The following IPMK variants were observed in gnomAD, a reference collection of about 807,000 sequenced individuals.
IPMK encodes inositol polyphosphate multikinase.
Under a neutral mutation model 45.8 loss-of-function variants are expected in IPMK, and 17 were observed. The observed-to-expected ratio is 0.37, with a 90% CI of 0.25 to 0.56. The LOEUF (loss-of-function observed/expected upper bound fraction) is 0.56, where lower values mean the gene tolerates loss of function less well. Ranked by LOEUF, IPMK falls within the 20% of genes least tolerant of loss-of-function variation. The pLI is 0.79. For synonymous variants in IPMK, 180 were observed against 184.3 expected (o/e 0.98, Z 0.19); for missense variants, 399 against 498.0 (o/e 0.80, Z 1.89).
intron 4 of IPMK, among the ~76,000 whole-genome samples, chr10:58,211,919 A>AAAAAAAAAAAAAAAAAAAAAAAT (rs967150743): frequency 6.7e-6 from 1 of 148,186 alleles, no homozygotes; most frequent in African/African-American, 2.6e-5. Flanking sequence ...AAAAAAAAAA[A>AAAAAAAAAAAAAAAAAAAAAAAT]AAAAAATTTG....
At chr10:58,221,787 C>T (rs545193481) in intron 3 of IPMK, among the ~76,000 whole-genome samples, 5 of 152,020 alleles carry the variant, frequency 3.3e-5, no homozygotes, top group African/African-American at 7.2e-5. Context: ...CTCTCTCTGT[C>T]GCCCAGGCTG....
intron 4 of IPMK, among the ~76,000 whole-genome samples, chr10:58,202,678 T>C (rs1346515895): frequency 2.0e-5 from 3 of 152,092 alleles, no homozygotes; most frequent in East Asian, 3.9e-4. Context: ...AACAAAAAAA[T>C]GTGCTGAATC....
chr10:58,221,995 C>G (rs892516377), intron 3 of IPMK, among the ~76,000 whole-genome samples: 2 of 152,066 alleles, frequency 1.3e-5, no homozygotes, highest in Non-Finnish European at 2.9e-5. Flanking sequence ...GTGATCCACC[C>G]GCCTCAGCCT....
intron 3 of IPMK, among the ~76,000 whole-genome samples, chr10:58,216,986 G>A (rs547261566): frequency 7.9e-4 from 120 of 152,158 alleles, no homozygotes; most frequent in African/African-American, 2.6e-3. Context: ...AAATAACTGG[G>A]ATGACAGGCG....
intron 1 of IPMK, among the ~76,000 whole-genome samples, chr10:58,257,362 G>A (rs1263107576): frequency 6.6e-6 from 1 of 152,076 alleles, no homozygotes; most frequent in Non-Finnish European, 1.5e-5. Context: ...GGGCATGGTG[G>A]CATGTGCCTG....
intron 1 of IPMK, among the ~76,000 whole-genome samples, chr10:58,257,449 T>C (rs1838988179): frequency 6.6e-6 from 1 of 152,072 alleles, no homozygotes; most frequent in Non-Finnish European, 1.5e-5. Flanking sequence ...GAGCTGAGAT[T>C]ATGCCACTGC....
chr10:58,243,966 G>A (rs2590327), intron 1 of IPMK, among the ~76,000 whole-genome samples: 49,860 of 94,098 alleles, frequency 0.53, 10,443 homozygotes, highest in African/African-American at 0.69. Context: ...TGTGAGGAGT[G>A]CCTCTGCCTG....
chr10:58,236,191 A>G (rs1345512907), intron 2 of IPMK, among the ~76,000 whole-genome samples: 2 of 151,968 alleles, frequency 1.3e-5, no homozygotes, highest in Admixed American at 6.6e-5. Flanking sequence ...TTGGCCTCCC[A>G]AAGTACTGAG....
At chr10:58,231,536 GA>G (rs1359613558) in intron 2 of IPMK, among the ~76,000 whole-genome samples, 1 of 152,166 alleles carries the variant, frequency 6.6e-6, no homozygotes, top group Non-Finnish European at 1.5e-5. Context: ...CATACTTAAA[GA>G]AAAGAATTTT....
At chr10:58,208,490 G>T (rs1838105831) in intron 4 of IPMK, among the ~76,000 whole-genome samples, 2 of 151,814 alleles carry the variant, frequency 1.3e-5, no homozygotes, top group Admixed American at 1.3e-4. Flanking sequence ...ATATATTTTT[G>T]ATTTGACTGT....
intron 2 of IPMK, among the ~76,000 whole-genome samples, chr10:58,227,910 T>C (rs369132157): frequency 3.9e-5 from 6 of 152,330 alleles, no homozygotes; most frequent in African/African-American, 1.4e-4. Context: ...TGAAGTTTAC[T>C]GGTGTAAAAT....
intron 5 of IPMK, among the ~76,000 whole-genome samples, chr10:58,198,228 G>A (rs1219990309): frequency 6.6e-6 from 1 of 152,060 alleles, no homozygotes; most frequent in African/African-American, 2.4e-5. Context: ...AAAAAGTTAA[G>A]CTCACTTTTG....
intron 4 of IPMK, among the ~76,000 whole-genome samples, chr10:58,209,842 T>G (rs887187727): frequency 2.0e-5 from 3 of 152,196 alleles, no homozygotes; most frequent in African/African-American, 7.2e-5. Context: ...TATTCTGTCA[T>G]GAGTTGCTGT....
rs145519212 is a variant in IPMK at position 58,267,530 on chromosome 10, T to C, written c.82A>G (p.Thr28Ala). 4.4e-4 allele frequency: 713 copies of C among 1,612,548 alleles called. 2 individuals carry two copies. The Middle Eastern group carries it at 0.013, about 30-fold the overall frequency. ...GCCGGCTGCGGGGTGCCCTCAGGGG[T>C]GGACTCGATCGCCGGTGAGGTCCGC... ...EMRTSPAIES[T>A]PEGTPQPAGG... The change falls in exon 1 of 6, where the codon ACC becomes GCC. Residue 28 changes from threonine (T) to alanine (A), a missense_variant. Coordinates refer to ENST00000373935, the MANE Select transcript of IPMK (RefSeq NM_152230.5).
intron 4 of IPMK, among the ~76,000 whole-genome samples, chr10:58,203,112 AT>A (rs1359339642): frequency 1.3e-5 from 2 of 152,172 alleles, no homozygotes; most frequent in African/African-American, 4.8e-5. Context: ...AAATATCAAC[AT>A]TAACAGGAGT....
intron 1 of IPMK, among the ~76,000 whole-genome samples, chr10:58,246,702 TAGA>T (rs1157884276): frequency 2.6e-5 from 4 of 151,440 alleles, no homozygotes; most frequent in Admixed American, 2.0e-4. Context: ...ATAAAAACCC[TAGA>T]AGAAAACCTA....
At chr10:58,231,731 T>C (rs1838524910) in intron 2 of IPMK, among the ~76,000 whole-genome samples, 1 of 152,094 alleles carries the variant, frequency 6.6e-6, no homozygotes, top group Non-Finnish European at 1.5e-5. Flanking sequence ...ACACACCAAA[T>C]TGTATGGACC....
chr10:58,237,606 G>A lies in IPMK; in HGVS notation c.276+123C>T, dbSNP rs1269899473. 4.3e-6 allele frequency: 3 copies of A among 702,846 alleles called. No homozygotes were observed. In the East Asian group the frequency reaches 7.9e-5, roughly 18 times the overall value. 43.5% of individuals were successfully genotyped at this position (702,846 alleles called of 1,614,324 possible). On this transcript the variant is annotated intron_variant, in intron 2 of 5. Transcript: ENST00000373935. ...AAAGATACGCACTGCTTTCCATGAAGCTTTTGTTTCCGTTACATACACACA... is the reference window on the plus strand; with the variant it reads ...AAAGATACGCACTGCTTTCCATGAAACTTTTGTTTCCGTTACATACACACA...
chr10:58,247,826 A>G (rs1190956955), intron 1 of IPMK, among the ~76,000 whole-genome samples: 1 of 152,242 alleles, frequency 6.6e-6, no homozygotes, highest in African/African-American at 2.4e-5. Flanking sequence ...TAAATAAAAA[A>G]GAATTAGAAA....
Sources: gnomAD v4.1 joint callset for allele counts (sites outside exome capture counted in the v4.1 genomes callset) on GRCh38, gnomAD v4.1.1 for gene constraint, MANE v1.5 for transcripts, NCBI Gene and HGNC (gene_info 2026-07-23, HGNC 2026-07-21) for gene names.